Variants in CTNNA3 observed in about 807,000 individuals in gnomAD.
CTNNA3 encodes catenin alpha 3.
A neutral mutation model predicts 95.7 loss-of-function variants in CTNNA3; 76 were observed. The ratio of observed to expected loss-of-function variants is 0.79; its 90% CI spans 0.66 to 0.96. The LOEUF (loss-of-function observed/expected upper bound fraction) is 0.96. Ranked by LOEUF, CTNNA3 falls within the 40% of genes least tolerant of loss-of-function variation. CTNNA3 has a pLI of 0.00. For synonymous variants in CTNNA3, 431 were observed against 374.4 expected, an observed-to-expected ratio of 1.15 and a Z score of -1.74; for missense variants, 1,191 against 1,089.8, an observed-to-expected ratio of 1.09 and a Z score of -1.31.
chr10:66,802,627 C>A (rs2132237509), intron 7 of CTNNA3, among the ~76,000 whole-genome samples: 1 of 151,702 alleles, frequency 6.6e-6, no homozygotes, highest in East Asian at 1.9e-4. Context: ...GATAATTCTA[C>A]CCAGCATGTG....
intron 5 of CTNNA3, among the ~76,000 whole-genome samples, chr10:67,490,025 G>A (rs1244398397): frequency 6.6e-6 from 1 of 152,044 alleles, no homozygotes; most frequent in Non-Finnish European, 1.5e-5. Flanking sequence ...CAATCTTAAT[G>A]TAATTTTATT....
At position 67,493,286 on chromosome 10, in the gene CTNNA3, G is replaced by C. The variant is rs181484387; in HGVS notation, c.579+28556C>G. ...ATGTTAAGAGTTTGATTTTAGGCCG[G>C]ACACGGCGGCTCACCCCTGTAATCC... On this transcript the variant is annotated intron_variant, in intron 5 of 17. Coordinates refer to ENST00000433211, the MANE Select transcript of CTNNA3 (RefSeq NM_013266.4). 3.6e-3 allele frequency among the ~76,000 whole-genome samples: 552 copies of C among 152,234 alleles called. 8 individuals are homozygous for C. The highest frequency in any genetic ancestry group is 0.013 in the African/African-American group (529 of 41,562).
intron 17 of CTNNA3, among the ~76,000 whole-genome samples, chr10:65,960,092 A>C (rs2077812214): frequency 6.6e-6 from 1 of 152,244 alleles, no homozygotes; most frequent in South Asian, 2.1e-4. Context: ...TAGAGTGCTC[A>C]TATCTTAATT....
rs1391305307 is a variant in CTNNA3, at chr10:66,925,972, G to T, written c.1048-150448C>A. On this transcript the variant is annotated intron_variant, in intron 7 of 17. Coordinates refer to ENST00000433211, the MANE Select transcript of CTNNA3 (RefSeq NM_013266.4). ...ATAAAAGAGAGACATTTCTGCACATGCCCATAATGTTCTTCACCACTGGGG... is the reference window on the plus strand; with the variant it reads ...ATAAAAGAGAGACATTTCTGCACATTCCCATAATGTTCTTCACCACTGGGG... 6 of 456,238 alleles carry T rather than the reference G, an allele frequency of 1.3e-5. No individual in the cohort carries two copies. The East Asian group carries it at 4.2e-4, about 32-fold the overall frequency. The allele number at this position is 456,238 out of a possible 1,614,324, so 28.3% of individuals were successfully genotyped here. A position where few individuals can be genotyped will look rare whatever the true frequency, so the allele number is the denominator to read the frequency against.
At chr10:67,092,190 T>C (rs950444793) in intron 7 of CTNNA3, among the ~76,000 whole-genome samples, 5 of 152,000 alleles carry the variant, frequency 3.3e-5, no homozygotes, top group African/African-American at 1.2e-4. Context: ...TAAACTATCA[T>C]CTTTTCAACA....
intron 7 of CTNNA3, among the ~76,000 whole-genome samples, chr10:66,807,306 C>A (rs763871069): frequency 4.4e-4 from 67 of 152,082 alleles, no homozygotes; most frequent in Admixed American, 1.0e-3. Flanking sequence ...ACTCCCCTCA[C>A]TACTGTACTA....
At chr10:66,051,775 A>G (rs1033196361) in intron 15 of CTNNA3, among the ~76,000 whole-genome samples, 1 of 152,220 alleles carries the variant, frequency 6.6e-6, no homozygotes, top group Non-Finnish European at 1.5e-5. Flanking sequence ...GTTCAGAAAC[A>G]TGATAGAACC....
intron 5 of CTNNA3, among the ~76,000 whole-genome samples, chr10:67,324,880 T>A (rs1671663459): frequency 6.6e-6 from 1 of 152,174 alleles, no homozygotes; most frequent in African/African-American, 2.4e-5. Flanking sequence ...CTTGGCTTTT[T>A]TGATTGATAG....
At chr10:66,652,130 A>G (rs1202329260) in intron 9 of CTNNA3, among the ~76,000 whole-genome samples, 1 of 151,006 alleles carries the variant, frequency 6.6e-6, no homozygotes, top group African/African-American at 2.4e-5. Context: ...CTAAGCCCAA[A>G]GTTAGCAGAA....
chr10:66,147,467 G>T (rs2083946845), intron 13 of CTNNA3, among the ~76,000 whole-genome samples: 1 of 151,890 alleles, frequency 6.6e-6, no homozygotes, highest in South Asian at 2.1e-4. Flanking sequence ...GGTGTTTTAT[G>T]CATCTGTAGT....
chr10:66,275,386 G>A (rs758467734), intron 13 of CTNNA3, among the ~76,000 whole-genome samples: 3 of 152,210 alleles, frequency 2.0e-5, no homozygotes, highest in Non-Finnish European at 2.9e-5. Context: ...CCAAACAGGC[G>A]TGAGCCACTG....
chr10:66,382,356 G>A (rs971325139), intron 11 of CTNNA3, among the ~76,000 whole-genome samples: 8 of 152,146 alleles, frequency 5.3e-5, no homozygotes, highest in Non-Finnish European at 8.8e-5. Context: ...ATCGATCTGC[G>A]AGGCGGCAGC....
At chr10:66,937,548 C>G (rs1287125610) in intron 7 of CTNNA3, among the ~76,000 whole-genome samples, 2 of 152,100 alleles carry the variant, frequency 1.3e-5, no homozygotes, top group African/African-American at 4.8e-5. Flanking sequence ...TCCTGGTGGA[C>G]TTTCCGGAAA....
intron 9 of CTNNA3, among the ~76,000 whole-genome samples, chr10:66,632,682 C>T (rs1324908612): frequency 6.6e-6 from 1 of 151,486 alleles, no homozygotes; most frequent in African/African-American, 2.4e-5. Context: ...CTGCTCTCTA[C>T]TTTCAGGAGA....
At chr10:66,370,564 T>C (rs2092746279) in intron 12 of CTNNA3, among the ~76,000 whole-genome samples, 1 of 152,168 alleles carries the variant, frequency 6.6e-6, no homozygotes, top group African/African-American at 2.4e-5. Context: ...TGTGTGTTAG[T>C]GAGAGGAGCT....
intron 5 of CTNNA3, among the ~76,000 whole-genome samples, chr10:67,273,709 G>C (rs1450055426): frequency 6.6e-6 from 1 of 151,952 alleles, no homozygotes; most frequent in African/African-American, 2.4e-5. Flanking sequence ...AAACAATTGT[G>C]GTATATTACT....
intron 5 of CTNNA3, among the ~76,000 whole-genome samples, chr10:67,291,579 C>T (rs1386993045): frequency 6.6e-6 from 1 of 152,088 alleles, no homozygotes; most frequent in Admixed American, 6.6e-5. Flanking sequence ...ATTGTGAGCA[C>T]CCAAATAGTT....
chr10:66,879,253 C>G (rs928727567), intron 7 of CTNNA3, among the ~76,000 whole-genome samples: 4 of 152,062 alleles, frequency 2.6e-5, no homozygotes, highest in African/African-American at 9.7e-5. Flanking sequence ...TACTATGAAC[C>G]ATGAACTTGC....
At chr10:66,750,593 C>T (rs1839092914) in intron 9 of CTNNA3, among the ~76,000 whole-genome samples, 1 of 152,152 alleles carries the variant, frequency 6.6e-6, no homozygotes, top group South Asian at 2.1e-4. Flanking sequence ...TGTTCAAATA[C>T]CATACTGGTT....
Sources: gnomAD v4.1 joint callset for allele counts (sites outside exome capture counted in the v4.1 genomes callset) on GRCh38, gnomAD v4.1.1 for gene constraint, MANE v1.5 for transcripts, NCBI Gene and HGNC (gene_info 2026-07-23, HGNC 2026-07-21) for gene names.